ZFPM2: variants seen among roughly 807,000 people sequenced by gnomAD.
ZFPM2 encodes zinc finger protein, FOG family member 2, also known as zinc finger protein ZFPM2.
In ZFPM2, 20 loss-of-function variants were observed where a neutral mutation model predicts 98.6. The observed-to-expected ratio is 0.20, with a 90% CI of 0.14 to 0.29. ZFPM2 has a LOEUF of 0.29. Among genes scored for constraint, ZFPM2 ranks in the 10% least tolerant of loss-of-function variants. The pLI, the probability that ZFPM2 is intolerant of heterozygous loss-of-function variation, is 1.00. For synonymous variants in ZFPM2, 518 were observed against 502.7 expected (o/e 1.03, Z -0.41); for missense variants, 1,310 against 1,388.6 (o/e 0.94, Z 0.90).
At position 105,513,919 on chromosome 8, in the gene ZFPM2, A is replaced by G. The variant is rs533669217; in HGVS notation, c.302-47444A>G. 7.9e-5 allele frequency among the ~76,000 whole-genome samples: 12 copies of G among 152,222 alleles called. No homozygotes were observed. In the East Asian group the frequency reaches 1.9e-3, roughly 25 times the overall value. On this transcript the variant is annotated intron_variant, in intron 3 of 7. Coordinates refer to ENST00000407775, the MANE Select transcript of ZFPM2 (RefSeq NM_012082.4). ...CACTCACTCTCATTCTGCAGAGTGC[A>G]TAAGCTGCACCTTGGGAGCTGGTTG...
chr8:105,444,003 TTA>T (rs1006800726), intron 2 of ZFPM2, among the ~76,000 whole-genome samples: 2 of 152,170 alleles, frequency 1.3e-5, no homozygotes, highest in South Asian at 2.1e-4. Flanking sequence ...CATTTTCTTC[TTA>T]TATATATTAA....
chr8:105,683,806 A>G (rs180687713), intron 5 of ZFPM2, among the ~76,000 whole-genome samples: 4 of 152,252 alleles, frequency 2.6e-5, no homozygotes, highest in Admixed American at 6.5e-5. Context: ...GAATATCTTT[A>G]TTAATACATT....
intron 5 of ZFPM2, among the ~76,000 whole-genome samples, chr8:105,742,137 G>T (rs1312587573): frequency 6.6e-6 from 1 of 151,842 alleles, no homozygotes; most frequent in Non-Finnish European, 1.5e-5. Flanking sequence ...AAGATGGATT[G>T]GATGGAGGCC....
At chr8:105,780,875 C>T (rs551263746) in intron 5 of ZFPM2, among the ~76,000 whole-genome samples, 5 of 152,266 alleles carry the variant, frequency 3.3e-5, no homozygotes, top group South Asian at 4.1e-4. Flanking sequence ...AGCAAAACTC[C>T]GTCTCAAATA....
chr8:105,464,908 A>C (rs1242388101), intron 3 of ZFPM2, among the ~76,000 whole-genome samples: 1 of 151,790 alleles, frequency 6.6e-6, no homozygotes, highest in East Asian at 1.9e-4. Context: ...TCTCGATCTT[A>C]AAACGGACTT....
At chr8:105,653,497 G>A (rs561701945) in intron 5 of ZFPM2, among the ~76,000 whole-genome samples, 51 of 152,122 alleles carry the variant, frequency 3.4e-4, no homozygotes, top group Non-Finnish European at 2.6e-4. Flanking sequence ...CACATAATGT[G>A]CCAAGCAGCA....
intron 1 of ZFPM2, among the ~76,000 whole-genome samples, chr8:105,405,790 T>C (rs981865965): frequency 2.0e-5 from 3 of 152,158 alleles, no homozygotes; most frequent in African/African-American, 7.2e-5. Flanking sequence ...TTTGGGTATA[T>C]ACCCAGTAAT....
intron 4 of ZFPM2, among the ~76,000 whole-genome samples, chr8:105,581,598 G>A (rs1443895806): frequency 6.6e-6 from 1 of 151,994 alleles, no homozygotes; most frequent in African/African-American, 2.4e-5. Context: ...TAACCAAAAT[G>A]GATATAATGG....
intron 5 of ZFPM2, among the ~76,000 whole-genome samples, chr8:105,729,035 C>T (rs1811871798): frequency 6.6e-6 from 1 of 151,382 alleles, no homozygotes; most frequent in African/African-American, 2.4e-5. Context: ...TTTCAGGAGG[C>T]CTGTAATGCT....
chr8:105,437,178 C>T (rs1263797440), intron 2 of ZFPM2, among the ~76,000 whole-genome samples: 3 of 151,978 alleles, frequency 2.0e-5, no homozygotes, highest in African/African-American at 7.3e-5. Flanking sequence ...TTATAAGTTG[C>T]TCAAAATAGG....
At chr8:105,707,694 T>A (rs1811295682) in intron 5 of ZFPM2, among the ~76,000 whole-genome samples, 1 of 152,232 alleles carries the variant, frequency 6.6e-6, no homozygotes. Flanking sequence ...GCACATTGTT[T>A]AGTCAGGTGA....
At chr8:105,657,337 C>T (rs983487024) in intron 5 of ZFPM2, among the ~76,000 whole-genome samples, 3 of 152,076 alleles carry the variant, frequency 2.0e-5, no homozygotes, top group Non-Finnish European at 2.9e-5. Context: ...CGGGGTTTCA[C>T]CATATTGATC....
At chr8:105,511,193 C>A (rs949990706) in intron 3 of ZFPM2, among the ~76,000 whole-genome samples, 3 of 152,258 alleles carry the variant, frequency 2.0e-5, no homozygotes, top group Non-Finnish European at 4.4e-5. Flanking sequence ...CCTCATCCTT[C>A]AGCAGCTTCC....
chr8:105,715,575 T>G (rs1811506138), intron 5 of ZFPM2, among the ~76,000 whole-genome samples: 1 of 152,166 alleles, frequency 6.6e-6, no homozygotes, highest in South Asian at 2.1e-4. Context: ...CAAATATGTA[T>G]ATTGTTTATA....
chr8:105,406,869 A>G (rs1811470198), intron 1 of ZFPM2, among the ~76,000 whole-genome samples: 1 of 152,014 alleles, frequency 6.6e-6, no homozygotes, highest in Non-Finnish European at 1.5e-5. Flanking sequence ...AGGCACCATA[A>G]TATTTTTCTA....
intron 3 of ZFPM2, among the ~76,000 whole-genome samples, chr8:105,512,443 A>G (rs1412661345): frequency 6.6e-6 from 1 of 152,224 alleles, no homozygotes; most frequent in Admixed American, 6.5e-5. Context: ...ACCATATCTG[A>G]TATGATGAAA....
At chr8:105,693,358 G>A (rs72673793) in intron 5 of ZFPM2, among the ~76,000 whole-genome samples, 7,247 of 152,236 alleles carry the variant, frequency 0.048, 249 homozygotes, top group Non-Finnish European at 0.074. Flanking sequence ...GGCAACTCGC[G>A]TTGGGACTTC....
chr8:105,711,757 G>A (rs1225933950), intron 5 of ZFPM2, among the ~76,000 whole-genome samples: 9 of 151,844 alleles, frequency 5.9e-5, no homozygotes, highest in Non-Finnish European at 1.2e-4. Flanking sequence ...CATATGCTCC[G>A]AAGACCAGAT....
At chr8:105,481,856 A>G (rs1563678732) in intron 3 of ZFPM2, among the ~76,000 whole-genome samples, 1 of 152,352 alleles carries the variant, frequency 6.6e-6, no homozygotes, top group Non-Finnish European at 1.5e-5. Flanking sequence ...GTTGGAGCAC[A>G]AATTCAAGCT....
Sources: allele counts gnomAD v4.1 joint callset (sites outside exome capture counted in the v4.1 genomes callset), GRCh38; gene constraint gnomAD v4.1.1; transcripts MANE v1.5; gene names NCBI Gene and HGNC (gene_info 2026-07-23, HGNC 2026-07-21).